Variants in LYPD6 observed in about 807,000 individuals in gnomAD.
LYPD6 encodes LY6/PLAUR domain containing 6, also known as ly6/PLAUR domain-containing protein 6.
Under a neutral mutation model 22.7 loss-of-function variants are expected in LYPD6, and 15 were observed. The ratio of observed to expected loss-of-function variants is 0.66; its 90% confidence interval spans 0.44 to 1.02. The LOEUF is 1.02. Among genes scored for constraint, LYPD6 ranks in the 50% least tolerant of loss-of-function variants. The probability of loss-of-function intolerance (pLI) is 0.00; values close to 1 mark genes in which losing one functional copy is unlikely to be tolerated. For missense variants in LYPD6, 189 were observed against 208.4 expected (o/e 0.91, Z 0.57); for synonymous variants, 72 against 77.5 (o/e 0.93, Z 0.37).
At chr2:149,340,446 T>C (rs1681138622) in intron 1 of LYPD6, among the ~76,000 whole-genome samples, 1 of 152,196 alleles carries the variant, frequency 6.6e-6, no homozygotes, top group African/African-American at 2.4e-5. Flanking sequence ...TGAGAGATTA[T>C]GTTAATTTTC....
chr2:149,465,245 T>C (rs1339246522), intron 3 of LYPD6, among the ~76,000 whole-genome samples: 2 of 152,028 alleles, frequency 1.3e-5, no homozygotes, highest in Non-Finnish European at 2.9e-5. Flanking sequence ...AGATTATCCA[T>C]AGTAGAGTCC....
chr2:149,482,701 T>G, the LYPD6 span, among the ~76,000 whole-genome samples: 1 of 152,200 alleles, frequency 6.6e-6, no homozygotes, highest in Non-Finnish European at 1.5e-5. Flanking sequence ...GAGCTGGGAT[T>G]GTTCCTAGAA....
chr2:149,477,681 A>G (rs1681465898), downstream of LYPD6, among the ~76,000 whole-genome samples: 1 of 150,218 alleles, frequency 6.7e-6, no homozygotes, highest in Non-Finnish European at 1.5e-5. Flanking sequence ...TATTTGGAGT[A>G]TTTAGGAAAA....
rs1341358161 is a variant in LYPD6, at chr2:149,356,032, TGGAAGAACAGGGCA to T, written c.-72+25311_-72+25324del. On this transcript the variant is annotated intron_variant, in intron 1 of 4. Transcript: ENST00000334166. ...AAGAAGAGTTAAATAGTCAAAATGC[TGGAAGAACAGGGCA>T]ATAGCAGGGACTTGAGAGCATTTAA... is the stretch of plus-strand genomic sequence containing the variant. 2.0e-5 allele frequency among the ~76,000 whole-genome samples: 3 copies of T among 151,994 alleles called. No homozygotes were observed. The East Asian group carries it at 5.8e-4, about 29-fold the overall frequency.
At chr2:149,474,613 C>G (rs1177782844), downstream of LYPD6, among the ~76,000 whole-genome samples, 1 of 152,152 alleles carries the variant, frequency 6.6e-6, no homozygotes, top group Non-Finnish European at 1.5e-5. Flanking sequence ...GTCACTGATG[C>G]TCCTTAAAGT....
intron 1 of LYPD6, among the ~76,000 whole-genome samples, chr2:149,387,670 A>G (rs1357538334): frequency 6.6e-6 from 1 of 152,162 alleles, no homozygotes; most frequent in Admixed American, 6.6e-5. Context: ...TTGAGCTGAG[A>G]TAGGGCAGAC....
At chr2:149,387,167 T>A (rs1473056801) in intron 1 of LYPD6, among the ~76,000 whole-genome samples, 1 of 152,234 alleles carries the variant, frequency 6.6e-6, no homozygotes, top group African/African-American at 2.4e-5. Context: ...CCTCTATTTT[T>A]ATATAATATT....
intron 1 of LYPD6, among the ~76,000 whole-genome samples, chr2:149,367,416 G>A (rs1414170772): frequency 3.9e-5 from 6 of 152,138 alleles, no homozygotes; most frequent in African/African-American, 9.7e-5. Flanking sequence ...GCAAGAGATA[G>A]TCTGCTGGAA....
At chr2:149,415,388 G>T (rs957270526) in intron 1 of LYPD6, among the ~76,000 whole-genome samples, 4 of 152,170 alleles carry the variant, frequency 2.6e-5, no homozygotes, top group African/African-American at 9.7e-5. Context: ...CTTTAGTGTG[G>T]AGTCTGTGAA....
At chr2:149,392,519 G>A (rs1046980735) in intron 1 of LYPD6, among the ~76,000 whole-genome samples, 13 of 152,150 alleles carry the variant, frequency 8.5e-5, no homozygotes, top group African/African-American at 3.1e-4. Flanking sequence ...AAACTCACAG[G>A]GTAACCAGTC....
At chr2:149,443,754 A>G (rs1683618939) in intron 2 of LYPD6, among the ~76,000 whole-genome samples, 2 of 152,038 alleles carry the variant, frequency 1.3e-5, no homozygotes, top group South Asian at 4.2e-4. Flanking sequence ...CATGTACAGG[A>G]ATACCTTAGA....
chr2:149,483,288 T>TA, the LYPD6 span, among the ~76,000 whole-genome samples: 1 of 152,334 alleles, frequency 6.6e-6, no homozygotes, highest in East Asian at 1.9e-4. Flanking sequence ...CTCCAGGAGT[T>TA]GTGGGCTGCA....
intron 1 of LYPD6, chr2:149,367,584 C>CA (rs1455313936): frequency 6.6e-6 from 1 of 152,204 alleles, no homozygotes; most frequent in Non-Finnish European, 1.5e-5. Context: ...AACAAGCCTT[C>CA]AGGATCTTAG....
intron 1 of LYPD6, among the ~76,000 whole-genome samples, chr2:149,431,235 G>T (rs1241289446): frequency 6.6e-6 from 1 of 152,186 alleles, no homozygotes; most frequent in Non-Finnish European, 1.5e-5. Context: ...ACGATCTGCA[G>T]TGCATATTCA....
chr2:149,416,597 G>A (rs187451200), intron 1 of LYPD6, among the ~76,000 whole-genome samples: 9 of 152,206 alleles, frequency 5.9e-5, no homozygotes, highest in African/African-American at 2.2e-4. Flanking sequence ...TGGCAAGAGG[G>A]TAAGGAGCCC....
intron 1 of LYPD6, among the ~76,000 whole-genome samples, chr2:149,379,109 TG>T (rs917124758): frequency 6.6e-6 from 1 of 152,174 alleles, no homozygotes; most frequent in Non-Finnish European, 1.5e-5. Flanking sequence ...AACCAAAGTT[TG>T]TGTTGGTTCA....
intron 1 of LYPD6, among the ~76,000 whole-genome samples, chr2:149,374,276 G>T (rs1255060657): frequency 6.6e-6 from 1 of 152,206 alleles, no homozygotes; most frequent in East Asian, 1.9e-4. Flanking sequence ...AAGGAAAAAA[G>T]TCTCAATTAT....
chr2:149,348,061 C>CAAAAAAAAAAAAAAA (rs58228847), intron 1 of LYPD6, among the ~76,000 whole-genome samples: 9 of 76,680 alleles, frequency 1.2e-4, no homozygotes, highest in Admixed American at 3.4e-4. Context: ...ACTAAAAATA[C>CAAAAAAAAAAAAAAA]AAAAAAAAAA....
intron 1 of LYPD6, among the ~76,000 whole-genome samples, chr2:149,369,307 A>ACGTG (rs893706273): frequency 6.6e-6 from 1 of 152,194 alleles, no homozygotes; most frequent in African/African-American, 2.4e-5. Context: ...CTCCAGGAGC[A>ACGTG]CAGCAGGCAC....
Sources: gnomAD v4.1 joint callset for allele counts (sites outside exome capture counted in the v4.1 genomes callset) on GRCh38, gnomAD v4.1.1 for gene constraint, MANE v1.5 for transcripts, NCBI Gene and HGNC (gene_info 2026-07-23, HGNC 2026-07-21) for gene names.